Variants in ANKMY1 observed in about 807,000 individuals in gnomAD.
ANKMY1 encodes the protein ankyrin repeat and MYND domain containing 1.
A neutral mutation model predicts 102.0 loss-of-function variants in ANKMY1; 98 were observed. That is an observed-to-expected ratio of 0.96 (90% CI 0.82 to 1.14). The LOEUF is 1.14. ANKMY1 is among the 50% of genes most tolerant of loss of function. ANKMY1 has a pLI of 0.00. For synonymous variants in ANKMY1, 582 were observed against 559.9 expected (o/e 1.04, Z -0.56); for missense variants, 1,330 against 1,347.6 (o/e 0.99, Z 0.20).
At chr2:240,478,700 G>A (rs559674710), downstream of ANKMY1, among the ~76,000 whole-genome samples, 1 of 149,360 alleles carries the variant, frequency 6.7e-6, no homozygotes, top group South Asian at 2.2e-4. Context: ...CCAGCATGGA[G>A]CCCATCTTTG....
chr2:240,525,743 T>A lies in ANKMY1; in HGVS notation c.1277A>T (p.His426Leu). ...GGGCTTGAAGGACTGGGCGGGGTAGTGGAGGAGGAAACACATGCTGAGTGC... is the reference window on the plus strand; with the variant it reads ...GGGCTTGAAGGACTGGGCGGGGTAGAGGAGGAGGAAACACATGCTGAGTGC... ...LTALSMCFLL[H>L]YPAQSFKPNV... Residue 426 changes from histidine (H) to leucine (L), a missense_variant, in exon 7 of 18, where the codon CAC (histidine) becomes CTC (leucine). Coordinates refer to ENST00000401804, the MANE Select transcript of ANKMY1 (RefSeq NM_001282771.3). 1 of 1,613,980 alleles carries A rather than the reference T, an allele frequency of 6.2e-7. No homozygotes were observed. Among genetic ancestry groups the A allele is most frequent in the Non-Finnish European group, 8.5e-7 (1 of 1,179,972 alleles).
downstream of ANKMY1, among the ~76,000 whole-genome samples, chr2:240,477,038 G>A (rs2074902419): frequency 6.6e-6 from 1 of 152,242 alleles, no homozygotes; most frequent in African/African-American, 2.4e-5. Context: ...ACCAGTGGAG[G>A]CCGGGCGCAG....
Position 240,489,214 on chromosome 2 carries a change from G to A in ANKMY1, c.2807-6953C>T, listed in dbSNP as rs1241616717. On this transcript the variant is annotated intron_variant, in intron 15 of 17. Coordinates refer to ENST00000401804, the MANE Select transcript of ANKMY1 (RefSeq NM_001282771.3). ...CACACCTGTAATCTCAGCACTTTGG[G>A]AGGCCACGGCAGGCAGATCACCTGA... is the stretch of plus-strand genomic sequence containing the variant. Among the ~76,000 whole-genome samples the A allele has an allele frequency of 2.0e-5, 3 of 152,154 alleles. No homozygotes were observed. In the East Asian group the frequency reaches 5.8e-4, roughly 29 times the overall value.
chr2:240,510,583 GCAGACCC>G (rs1419688790), intron 11 of ANKMY1, among the ~76,000 whole-genome samples: 1 of 152,110 alleles, frequency 6.6e-6, no homozygotes, highest in Non-Finnish European at 1.5e-5. Flanking sequence ...CTCAGATGCG[GCAGACCC>G]TGTGTCTGGC....
chr2:240,533,948 C>T (rs1163465475), intron 4 of ANKMY1, among the ~76,000 whole-genome samples: 1 of 152,166 alleles, frequency 6.6e-6, no homozygotes, highest in Non-Finnish European at 1.5e-5. Flanking sequence ...GTCAACCATA[C>T]TCCAAAAATA....
intron 9 of ANKMY1, among the ~76,000 whole-genome samples, chr2:240,515,071 C>T (rs970448632): frequency 3.3e-5 from 5 of 152,178 alleles, no homozygotes; most frequent in Admixed American, 3.3e-4. Flanking sequence ...CAGAGACTAT[C>T]GTAAAAGAGG....
In ANKMY1 at chr2:240,554,875, G is replaced by A; in HGVS notation, c.327C>T (p.Pro109=). ...GTGTGGAAGCAGTTACCTCGCCTGT[G>A]GGCCAAGAGAATTTGCCATATCCAA... The part of the protein sequence containing the change: ...MKLGYGKFSW[P]TGESYHGQFY... Residue 109 remains proline, a synonymous_variant, in exon 3 of 18, where the codon CCC becomes CCT. Coordinates refer to ENST00000401804, the MANE Select transcript of ANKMY1 (RefSeq NM_001282771.3). 6.2e-7 allele frequency: 1 copy of A among 1,614,146 alleles called. No homozygotes were observed. The highest frequency in any genetic ancestry group is 1.1e-5 in the South Asian group (1 of 91,086).
chr2:240,512,790 C>T lies in ANKMY1; in HGVS notation c.2145+12G>A, dbSNP rs774190254. 8.1e-6 allele frequency: 13 copies of T among 1,611,168 alleles called. No homozygotes were observed. Among genetic ancestry groups the T allele is most frequent in the Admixed American group, 1.7e-5 (1 of 59,742 alleles). On this transcript the variant is annotated intron_variant, in intron 10 of 17. Transcript: ENST00000401804. ...AGGCCCCATACCCCTATCCAGGTCGCGAGGTACACACCTTGCCGGGCTTGT... is the reference window on the plus strand; with the variant it reads ...AGGCCCCATACCCCTATCCAGGTCGTGAGGTACACACCTTGCCGGGCTTGT...
At chr2:240,547,738 T>A (rs1429006534) in intron 4 of ANKMY1, among the ~76,000 whole-genome samples, 1 of 148,618 alleles carries the variant, frequency 6.7e-6, no homozygotes, top group Non-Finnish European at 1.5e-5. Flanking sequence ...CAAACACCTC[T>A]ACGCAAATAA....
At chr2:240,551,741 A>G (rs562048189) in intron 4 of ANKMY1, among the ~76,000 whole-genome samples, 2 of 152,352 alleles carry the variant, frequency 1.3e-5, no homozygotes, top group East Asian at 1.9e-4. Context: ...GCAGCCAGAA[A>G]GACCCACAAC....
At chr2:240,534,746 G>A (rs2086311165) in intron 4 of ANKMY1, among the ~76,000 whole-genome samples, 1 of 152,152 alleles carries the variant, frequency 6.6e-6, no homozygotes, top group African/African-American at 2.4e-5. Context: ...CACAATCACA[G>A]TGAGAGATTC....
intron 8 of ANKMY1, chr2:240,522,199 T>C (rs939094410): frequency 1.1e-4 from 16 of 152,322 alleles, no homozygotes; most frequent in African/African-American, 3.9e-4. Flanking sequence ...CACTGAGCAT[T>C]GATTGGTGCA....
Position 240,523,962 on chromosome 2 carries a change from C to T in ANKMY1, c.1755G>A (p.Leu585=). 1 of 1,613,840 alleles carries T rather than the reference C, an allele frequency of 6.2e-7. No homozygotes were observed. The highest frequency in any genetic ancestry group is 8.5e-7 in the Non-Finnish European group (1 of 1,180,046). The change falls in exon 8 of 18, where the codon CTG becomes CTA. Residue 585 remains leucine (L), a synonymous_variant. Transcript: ENST00000401804. ...TGCACGGTGAGGGCGAGGCCATCTT[C>T]AGCAAGCTGTGGGACTGGGCGCTTC... ...LERSAQSHSL[L]KMASPSPCTS... is the part of the protein sequence containing the mutation.
chr2:240,476,653 G>C (rs1274099603), downstream of ANKMY1, among the ~76,000 whole-genome samples: 1 of 152,150 alleles, frequency 6.6e-6, no homozygotes, highest in East Asian at 1.9e-4. Context: ...TGCCCACCAG[G>C]GAAAAGAAAT....
Position 240,526,904 on chromosome 2 carries a change from A to G in ANKMY1, c.954-459T>C, listed in dbSNP as rs115945477. The G allele has an allele frequency of 1.9e-3, 2,127 of 1,128,748 alleles. 21 individuals are homozygous for G. The African/African-American group carries it at 0.031, about 17-fold the overall frequency. The allele number at this position is 1,128,748 out of a possible 1,614,324, so 69.9% of individuals were successfully genotyped here. On this transcript the variant is annotated intron_variant, in intron 5 of 17. Transcript: ENST00000401804. ...TATCTCATGGCTTACTCATCACACA[A>G]CACTGATGCCTCCTGGTGTGTACAC...
chr2:240,475,508 G>T (rs1048951096), downstream of ANKMY1, among the ~76,000 whole-genome samples: 1 of 151,952 alleles, frequency 6.6e-6, no homozygotes, highest in African/African-American at 2.4e-5. Flanking sequence ...TTTAAGCGAG[G>T]TAAAAGAACC....
At chr2:240,528,933 G>C in intron 5 of ANKMY1, 104 bp downstream of exon 5, 2 of 1,047,844 alleles carry the variant, frequency 1.9e-6, no homozygotes, top group Non-Finnish European at 2.9e-6. Flanking sequence ...AGGTCACCCT[G>C]AGGGAGCACT....
intron 13 of ANKMY1, among the ~76,000 whole-genome samples, chr2:240,502,605 C>T (rs2152066553): frequency 6.6e-6 from 1 of 152,094 alleles, no homozygotes; most frequent in East Asian, 1.9e-4. Context: ...ATCTGCTGAC[C>T]TGCCCGTCGC....
intron 15 of ANKMY1, among the ~76,000 whole-genome samples, chr2:240,493,716 G>T (rs1233248847): frequency 1.3e-5 from 2 of 152,164 alleles, no homozygotes; most frequent in Non-Finnish European, 2.9e-5. Flanking sequence ...CAATCTTCAG[G>T]CCCCAGAGGT....
Sources: gnomAD v4.1 joint callset for allele counts (sites outside exome capture counted in the v4.1 genomes callset) on GRCh38, gnomAD v4.1.1 for gene constraint, MANE v1.5 for transcripts, NCBI Gene and HGNC (gene_info 2026-07-23, HGNC 2026-07-21) for gene names.